Variants in BMPR1B observed in about 807,000 individuals in gnomAD.
BMPR1B encodes the protein bone morphogenetic protein receptor type 1B, also known as bone morphogenetic protein receptor type-1B.
BMPR1B carries 12 observed loss-of-function variants against 59.1 expected under a neutral mutation model. The observed-to-expected ratio is 0.20, with a 90% CI of 0.13 to 0.33. The LOEUF is 0.33. Among genes scored for constraint, BMPR1B ranks in the 10% least tolerant of loss-of-function variants. The probability of loss-of-function intolerance (pLI) is 1.00; values close to 1 mark genes in which losing one functional copy is unlikely to be tolerated. For missense variants in BMPR1B, 550 were observed against 610.9 expected, an observed-to-expected ratio of 0.90 and a Z score of 1.05; for synonymous variants, 237 against 207.3, an observed-to-expected ratio of 1.14 and a Z score of -1.23.
At chr4:95,059,611 T>C (rs1306285527) in intron 3 of BMPR1B, among the ~76,000 whole-genome samples, 1 of 148,650 alleles carries the variant, frequency 6.7e-6, no homozygotes, top group East Asian at 2.0e-4. Context: ...ATTAATCTAC[T>C]CTACTTAACC....
chr4:94,980,932 T>C (rs905211741), intron 2 of BMPR1B, among the ~76,000 whole-genome samples: 4 of 151,916 alleles, frequency 2.6e-5, no homozygotes, highest in Non-Finnish European at 1.5e-5. Context: ...GAGGCAGAGG[T>C]TGCAGTGAGC....
intron 3 of BMPR1B, among the ~76,000 whole-genome samples, chr4:95,036,747 G>A (rs1383065104): frequency 2.9e-5 from 4 of 137,028 alleles, no homozygotes; most frequent in Non-Finnish European, 6.1e-5. Flanking sequence ...TAGTGAGATT[G>A]TTGGATTTTA....
At chr4:95,021,396 C>G (rs1283759848) in intron 3 of BMPR1B, among the ~76,000 whole-genome samples, 2 of 152,162 alleles carry the variant, frequency 1.3e-5, no homozygotes, top group Admixed American at 6.6e-5. Context: ...AGGTTTTTAA[C>G]CTAGCATATT....
At chr4:94,760,202 G>T (rs142326933) in intron 1 of BMPR1B, among the ~76,000 whole-genome samples, 349 of 152,206 alleles carry the variant, frequency 2.3e-3, no homozygotes, top group Admixed American at 5.5e-3. Flanking sequence ...TAGGGGCTTT[G>T]CCACCTTGTC....
chr4:95,139,802 G>A (rs185622035), intron 10 of BMPR1B, among the ~76,000 whole-genome samples: 2 of 152,288 alleles, frequency 1.3e-5, no homozygotes, highest in Non-Finnish European at 2.9e-5. Context: ...TATTAGGGTG[G>A]GAGTGTTCCA....
chr4:95,076,622 T>A (rs1728732855), intron 3 of BMPR1B, among the ~76,000 whole-genome samples: 1 of 152,072 alleles, frequency 6.6e-6, no homozygotes, highest in Admixed American at 6.6e-5. Context: ...AAGTAAATTG[T>A]CTGAGGTCAC....
At chr4:94,815,461 C>G (rs980909872) in intron 1 of BMPR1B, among the ~76,000 whole-genome samples, 1 of 152,162 alleles carries the variant, frequency 6.6e-6, no homozygotes. Context: ...AGTGGAATTA[C>G]TAGGAAAAGG....
chr4:94,855,890 T>C (rs1725736150), intron 1 of BMPR1B, among the ~76,000 whole-genome samples: 2 of 152,198 alleles, frequency 1.3e-5, no homozygotes, highest in South Asian at 4.1e-4. Context: ...CTCAGTAATT[T>C]ATTGAAACAT....
chr4:94,909,346 A>G (rs1728186097), intron 2 of BMPR1B, among the ~76,000 whole-genome samples: 1 of 152,068 alleles, frequency 6.6e-6, no homozygotes, highest in African/African-American at 2.4e-5. Flanking sequence ...CCCAACAGGA[A>G]GGCAGCTGTA....
At chr4:94,842,088 C>T (rs1394797423) in intron 1 of BMPR1B, among the ~76,000 whole-genome samples, 1 of 152,150 alleles carries the variant, frequency 6.6e-6, no homozygotes, top group Non-Finnish European at 1.5e-5. Flanking sequence ...ACACACACCC[C>T]AGGGTGCTTG....
chr4:94,943,578 G>T (rs1308031634), intron 2 of BMPR1B, among the ~76,000 whole-genome samples: 1 of 152,174 alleles, frequency 6.6e-6, no homozygotes, highest in African/African-American at 2.4e-5. Context: ...ATAGTGCCCT[G>T]TACCAAGCAA....
chr4:94,786,124 A>T (rs754797883), intron 1 of BMPR1B, among the ~76,000 whole-genome samples: 3 of 152,220 alleles, frequency 2.0e-5, no homozygotes, highest in Non-Finnish European at 4.4e-5. Context: ...TTCGGGTATT[A>T]TGGAAACATT....
intron 1 of BMPR1B, among the ~76,000 whole-genome samples, chr4:94,762,223 G>A (rs1382738894): frequency 6.6e-6 from 1 of 151,374 alleles, no homozygotes; most frequent in Non-Finnish European, 1.5e-5. Context: ...ACACTGTGGG[G>A]ACACTGTGAC....
chr4:95,133,253 T>A (rs1733514939), intron 10 of BMPR1B, among the ~76,000 whole-genome samples: 1 of 152,222 alleles, frequency 6.6e-6, no homozygotes, highest in Non-Finnish European at 1.5e-5. Flanking sequence ...CAGTCTTCTG[T>A]ACATGCTGCC....
At chr4:95,119,645 TTATTGG>T (rs1229978585) in intron 6 of BMPR1B, among the ~76,000 whole-genome samples, 6 of 152,194 alleles carry the variant, frequency 3.9e-5, no homozygotes, top group African/African-American at 1.4e-4. Context: ...TTTTCCTGGA[TTATTGG>T]TAACATTTCT....
rs1560664354 is a variant in BMPR1B, at chr4:95,114,798, A to G, written c.222A>G (p.Leu74=). The G allele has an allele frequency of 1.2e-6, 2 of 1,612,304 alleles. No homozygotes were observed. Among genetic ancestry groups the G allele is most frequent in the Non-Finnish European group, 1.7e-6 (2 of 1,178,438 alleles). Reference sequence around the variant, plus strand: ...TGGTCACTTCTGGTTGCCTAGGACTAGAAGGCTCAGATTTTCAGTGTCGGG... The same window carrying G: ...TGGTCACTTCTGGTTGCCTAGGACTGGAAGGCTCAGATTTTCAGTGTCGGG... The part of the protein sequence containing the change: ...LPVVTSGCLG[L]EGSDFQCRDT... The change falls in exon 5 of 13, where the codon CTA becomes CTG. Residue 74 remains leucine (L), a synonymous_variant. Coordinates refer to ENST00000515059, the MANE Select transcript of BMPR1B (RefSeq NM_001203.3).
At chr4:94,980,915 A>C (rs1005645160) in intron 2 of BMPR1B, among the ~76,000 whole-genome samples, 2 of 152,056 alleles carry the variant, frequency 1.3e-5, no homozygotes, top group African/African-American at 4.8e-5. Context: ...GAATCGCTTG[A>C]ACCCAGGAGG....
chr4:94,801,041 G>T (rs1235439649), intron 1 of BMPR1B, among the ~76,000 whole-genome samples: 1 of 152,188 alleles, frequency 6.6e-6, no homozygotes, highest in Non-Finnish European at 1.5e-5. Context: ...GACAGAGGGT[G>T]TGAACAGAGA....
intron 10 of BMPR1B, among the ~76,000 whole-genome samples, chr4:95,144,123 C>T (rs890624986): frequency 1.3e-5 from 2 of 151,990 alleles, no homozygotes; most frequent in Admixed American, 6.6e-5. Flanking sequence ...ATTTCTTACT[C>T]AGAAAATTGT....
Sources: allele counts gnomAD v4.1 joint callset (sites outside exome capture counted in the v4.1 genomes callset), GRCh38; gene constraint gnomAD v4.1.1; transcripts MANE v1.5; gene names NCBI Gene and HGNC (gene_info 2026-07-23, HGNC 2026-07-21).